NRXN3: variants seen among roughly 807,000 people sequenced by gnomAD.
The protein encoded by NRXN3 is neurexin III.
A neutral mutation model predicts 137.6 loss-of-function variants in NRXN3; 32 were observed. That is an observed-to-expected ratio of 0.23 (90% CI 0.18 to 0.31). The LOEUF (loss-of-function observed/expected upper bound fraction) is 0.31. NRXN3 is among the 10% of genes least tolerant of loss of function. NRXN3 has a pLI of 1.00. For synonymous variants in NRXN3, 798 were observed against 784.5 expected (o/e 1.02, Z -0.29); for missense variants, 1,574 against 2,062.5 (o/e 0.76, Z 4.59).
intron 15 of NRXN3, among the ~76,000 whole-genome samples, chr14:79,244,379 C>T (rs2074838171): frequency 6.6e-6 from 1 of 151,960 alleles, no homozygotes; most frequent in Admixed American, 6.6e-5. Context: ...TGGACACACA[C>T]ATAAAAAAAC....
At chr14:78,715,704 T>A (rs139376062) in intron 8 of NRXN3, among the ~76,000 whole-genome samples, 1 of 152,254 alleles carries the variant, frequency 6.6e-6, no homozygotes, top group African/African-American at 2.4e-5. Flanking sequence ...CCTCATGCAG[T>A]GATGGGAATT....
rs556818436 is a variant in NRXN3 at position 78,651,155 on chromosome 14, C to A, written c.1060-10C>A. The A allele has an allele frequency of 6.8e-5, 109 of 1,611,694 alleles. 2 individuals are homozygous for A. In the South Asian group the frequency reaches 1.2e-3, roughly 17 times the overall value. ...TTGGGATTTTTTTTGTCCCTATGTCCCTCCACCAGGTGACAATCTCTGTGG... is the reference window on the plus strand; with the variant it reads ...TTGGGATTTTTTTTGTCCCTATGTCACTCCACCAGGTGACAATCTCTGTGG... On this transcript the variant is annotated splice_polypyrimidine_tract_variant and intron_variant, in intron 5 of 20. Transcript: ENST00000335750.
At chr14:79,090,223 G>A (rs2048902729) in intron 15 of NRXN3, among the ~76,000 whole-genome samples, 1 of 152,068 alleles carries the variant, frequency 6.6e-6, no homozygotes, top group Non-Finnish European at 1.5e-5. Flanking sequence ...CAGAAAAGCT[G>A]CTTTTAGACT....
chr14:79,715,484 T>C (rs780160929), intron 19 of NRXN3, among the ~76,000 whole-genome samples: 9 of 152,168 alleles, frequency 5.9e-5, no homozygotes, highest in Non-Finnish European at 1.3e-4. Context: ...CCAGGGGCCT[T>C]TGTAGCCATT....
chr14:78,875,547 C>A (rs1209676570), intron 10 of NRXN3, among the ~76,000 whole-genome samples: 2 of 151,988 alleles, frequency 1.3e-5, no homozygotes. Flanking sequence ...ATATATGGTA[C>A]CCTGTTGGGA....
chr14:79,335,678 TTGTA>T (rs956752922), intron 15 of NRXN3, among the ~76,000 whole-genome samples: 12 of 152,122 alleles, frequency 7.9e-5, no homozygotes, highest in African/African-American at 2.9e-4. Flanking sequence ...ATATCATTGT[TTGTA>T]TGTATGTACA....
At chr14:79,113,632 A>C (rs1279712364) in intron 15 of NRXN3, among the ~76,000 whole-genome samples, 1 of 152,202 alleles carries the variant, frequency 6.6e-6, no homozygotes. Context: ...TTTCTGGAAT[A>C]CATCCCAGTT....
At chr14:78,886,941 T>A (rs1596989292) in intron 10 of NRXN3, among the ~76,000 whole-genome samples, 1 of 152,156 alleles carries the variant, frequency 6.6e-6, no homozygotes, top group African/African-American at 2.4e-5. Context: ...GTAAACTGGA[T>A]ACTGTAGTGG....
chr14:78,532,750 T>C (rs2096485948), intron 4 of NRXN3, among the ~76,000 whole-genome samples: 1 of 152,242 alleles, frequency 6.6e-6, no homozygotes, highest in Non-Finnish European at 1.5e-5. Flanking sequence ...CTTTTTTTTT[T>C]CCTTCGTATC....
intron 15 of NRXN3, among the ~76,000 whole-genome samples, chr14:79,458,721 C>T (rs78331480): frequency 0.011 from 1,715 of 152,250 alleles, 35 homozygotes; most frequent in African/African-American, 0.037. Context: ...ATATAAGAAA[C>T]TAGCATGGTT....
chr14:79,845,677 G>A (rs1285744617), intron 20 of NRXN3, among the ~76,000 whole-genome samples: 1 of 122,320 alleles, frequency 8.2e-6, no homozygotes, highest in Non-Finnish European at 1.7e-5. Context: ...AGACGGAGAC[G>A]GGGAGAGAGA....
At chr14:78,742,059 G>T (rs147837158) in intron 8 of NRXN3, among the ~76,000 whole-genome samples, 2 of 152,112 alleles carry the variant, frequency 1.3e-5, no homozygotes, top group African/African-American at 4.8e-5. Flanking sequence ...AACAAATCAG[G>T]TTGTCAAAAT....
At chr14:79,795,957 A>T (rs1435859372) in intron 19 of NRXN3, among the ~76,000 whole-genome samples, 1 of 152,202 alleles carries the variant, frequency 6.6e-6, no homozygotes, top group Non-Finnish European at 1.5e-5. Flanking sequence ...AAAGGGAGGG[A>T]AAAAAGTAGA....
At chr14:78,381,201 A>T (rs1394610943) in intron 4 of NRXN3, among the ~76,000 whole-genome samples, 1 of 152,208 alleles carries the variant, frequency 6.6e-6, no homozygotes, top group African/African-American at 2.4e-5. Flanking sequence ...TTTGAAAAAC[A>T]TAGGAGTTTT....
rs1193062626 is a variant in NRXN3 at position 78,645,418 on chromosome 14, G to T, written c.1056G>T (p.Arg352=). The T allele has an allele frequency of 6.3e-7, 1 of 1,576,746 alleles. No homozygotes were observed. The highest frequency in any genetic ancestry group is 1.1e-5 in the South Asian group (1 of 87,170). ...WHDVKVTRNL[R]QVTISVDGIL... ...ATGTCAAAGTGACACGCAACCTCCGGCAGGTAATGGCTGAGGGGAGAGAAT... is the reference window on the plus strand; with the variant it reads ...ATGTCAAAGTGACACGCAACCTCCGTCAGGTAATGGCTGAGGGGAGAGAAT... The change falls in exon 5 of 21, where the codon CGG becomes CGT. Residue 352 remains arginine, a synonymous_variant. Transcript: ENST00000335750.
chr14:79,438,003 G>C (rs933884715), intron 15 of NRXN3, among the ~76,000 whole-genome samples: 4 of 152,176 alleles, frequency 2.6e-5, no homozygotes, highest in Non-Finnish European at 1.5e-5. Flanking sequence ...TGTACCCCCA[G>C]GCCTCAGCGT....
intron 15 of NRXN3, among the ~76,000 whole-genome samples, chr14:79,390,519 T>G (rs773590243): frequency 5.3e-5 from 8 of 152,128 alleles, no homozygotes; most frequent in Non-Finnish European, 1.0e-4. Flanking sequence ...TTTCAGTGAC[T>G]TTGATTTCAA....
At chr14:78,640,269 A>G (rs1479593614) in intron 4 of NRXN3, among the ~76,000 whole-genome samples, 3 of 152,328 alleles carry the variant, frequency 2.0e-5, no homozygotes, top group South Asian at 2.1e-4. Flanking sequence ...CCCCTGAAAA[A>G]GTAGTTCAAA....
chr14:78,853,883 G>A (rs1330632930), intron 10 of NRXN3, among the ~76,000 whole-genome samples: 1 of 152,158 alleles, frequency 6.6e-6, no homozygotes, highest in African/African-American at 2.4e-5. Flanking sequence ...TAGGAAAAGT[G>A]TATGAGAAAC....
Sources: allele counts gnomAD v4.1 joint callset (sites outside exome capture counted in the v4.1 genomes callset), GRCh38; gene constraint gnomAD v4.1.1; transcripts MANE v1.5; gene names NCBI Gene and HGNC (gene_info 2026-07-23, HGNC 2026-07-21).